The following EMILIN1 variants were observed in gnomAD, a reference collection of about 807,000 sequenced individuals.
EMILIN1 encodes the protein EMILIN-1.
A neutral mutation model predicts 82.4 loss-of-function variants in EMILIN1; 49 were observed. The observed-to-expected ratio is 0.59, with a 90% CI of 0.47 to 0.75. The LOEUF is 0.75. Ranked by LOEUF, EMILIN1 falls within the 30% of genes least tolerant of loss-of-function variation. The pLI is 0.00. For missense variants in EMILIN1, 1,313 were observed against 1,366.4 expected, an observed-to-expected ratio of 0.96 and a Z score of 0.62; for synonymous variants, 604 against 602.2, an observed-to-expected ratio of 1.00 and a Z score of -0.04.
chr2:27,080,767 C>T lies in EMILIN1; in HGVS notation c.326C>T (p.Ala109Val). 1.2e-6 allele frequency: 2 copies of T among 1,613,794 alleles called. No individual in the cohort carries two copies. The highest frequency in any genetic ancestry group is 2.2e-5 in the South Asian group (2 of 91,038). ...TTCCTCCGCCCTCGCTACCGTGTGG[C>T]CTACAAGACAGTGACCGACATGGAG... The part of the protein sequence containing the change: ...RRFLRPRYRV[A>V]YKTVTDMEWR... Residue 109 changes from alanine (A) to valine (V), a missense_variant, in exon 3 of 8, where the codon GCC becomes GTC. Coordinates refer to ENST00000380320, the MANE Select transcript of EMILIN1 (RefSeq NM_007046.4).
At chr2:27,080,584 G>A in intron 2 of EMILIN1, 148 bp from the exon 3 acceptor site, 1 of 701,562 alleles carries the variant, frequency 1.4e-6, no homozygotes, top group Non-Finnish European at 2.3e-6. Flanking sequence ...ACAGCTGTCA[G>A]CTAAGCAAGG....
rs920549958 is a variant in EMILIN1 at position 27,086,343 on chromosome 2, C to G, written c.*328C>G. ...TGGGCTCCAGGCTCCCCCGCGCGGG[C>G]GCCGCCCACCGCCATACTAAACGAT... is the stretch of plus-strand genomic sequence containing the variant. On this transcript the variant is annotated 3_prime_UTR_variant, in exon 8 of 8. Transcript: ENST00000380320. The G allele has an allele frequency of 7.4e-5, 22 of 296,210 alleles. No individual in the cohort carries two copies. The Middle Eastern group carries it at 2.7e-3, about 37-fold the overall frequency. 18.3% of individuals were successfully genotyped at this position (296,210 alleles called of 1,614,324 possible).
chr2:27,082,758 A>G lies in EMILIN1; in HGVS notation c.1187A>G (p.His396Arg), dbSNP rs777231622. Residue 396 changes from histidine to arginine, a missense_variant, in exon 4 of 8, where the codon CAC (histidine) becomes CGC (arginine). Physicochemically the swap from His to Arg is conservative, Grantham distance 29. Coordinates refer to ENST00000380320, the MANE Select transcript of EMILIN1 (RefSeq NM_007046.4). ...GGAGGAGCCGCGGGGCAGGGAGGCC[A>G]CCCCCCAGGCTACACCAGCTTGGCC... The part of the protein sequence containing the change: ...ELGGAAGQGG[H>R]PPGYTSLASR... The G allele has an allele frequency of 4.6e-6, 7 of 1,536,356 alleles. No homozygotes were observed. Among genetic ancestry groups the G allele is most frequent in the Non-Finnish European group, 5.2e-6 (6 of 1,147,246 alleles).
chr2:27,084,610 C>A, intron 5 of EMILIN1, 79 bp downstream of exon 5: 2 of 819,158 alleles, frequency 2.4e-6, no homozygotes, highest in Non-Finnish European at 2.1e-6. Context: ...CAGCCCCAGG[C>A]TTGACATTCC....
In EMILIN1 at chr2:27,083,424, T is replaced by C; in HGVS notation, c.1853T>C (p.Val618Ala). Reference protein sequence around the residue: ...PPRGPGAGPGVGGPSRGPLDG... With the variant: ...PPRGPGAGPGAGGPSRGPLDG... Reference sequence around the variant, plus strand: ...CGGGGTCCTGGGGCTGGTCCAGGTGTTGGGGGCCCAAGCCGTGGGCCCCTG... The same window carrying C: ...CGGGGTCCTGGGGCTGGTCCAGGTGCTGGGGGCCCAAGCCGTGGGCCCCTG... The change falls in exon 4 of 8, where the codon GTT becomes GCT. Residue 618 changes from valine to alanine, a missense_variant. Coordinates refer to ENST00000380320, the MANE Select transcript of EMILIN1 (RefSeq NM_007046.4). 1 of 1,612,304 alleles carries C rather than the reference T, an allele frequency of 6.2e-7. No homozygotes were observed. Among genetic ancestry groups the C allele is most frequent in the Non-Finnish European group, 8.5e-7 (1 of 1,179,952 alleles).
chr2:27,082,696 A>C lies in EMILIN1; in HGVS notation c.1125A>C (p.Ser375=). ...GCAGGCTGGATGTCGTGGCCGGCTC[A>C]GTGACAGTGCTGAGTGGGCGGCGAG... ...LERRLDVVAG[S]VTVLSGRRGT... The change falls in exon 4 of 8, where the codon TCA becomes TCC. Residue 375 remains serine (S), a synonymous_variant. Transcript: ENST00000380320. 6.4e-7 allele frequency: 1 copy of C among 1,553,630 alleles called. No homozygotes were observed. The highest frequency in any genetic ancestry group is 8.7e-7 in the Non-Finnish European group (1 of 1,153,390).
Position 27,084,551 on chromosome 2 carries a change from T to G in EMILIN1, c.2557+20T>G. ...CACCAGGTATGTGCACTGAGACCCT[T>G]GCTGCAGTCAGGGTTGCCACTGCCC... On this transcript the variant is annotated intron_variant, in intron 5 of 7. Coordinates refer to ENST00000380320, the MANE Select transcript of EMILIN1 (RefSeq NM_007046.4). 1 of 1,506,518 alleles carries G rather than the reference T, an allele frequency of 6.6e-7. No individual in the cohort carries two copies. The highest frequency in any genetic ancestry group is 9.2e-7 in the Non-Finnish European group (1 of 1,083,366). 93.3% of individuals were successfully genotyped at this position (1,506,518 alleles called of 1,614,324 possible).
Position 27,082,919 on chromosome 2 carries a change from G to C in EMILIN1, c.1348G>C (p.Gly450Arg), listed in dbSNP as rs570508845. ...PAARGRLEQLGGLLANVSGEL... is the reference protein window; with the variant it reads ...PAARGRLEQLRGLLANVSGEL... Reference sequence around the variant, plus strand: ...TGCCCGGGGCCGACTAGAGCAGTTGGGGGGGCTGCTGGCCAATGTGAGCGG... The same window carrying C: ...TGCCCGGGGCCGACTAGAGCAGTTGCGGGGGCTGCTGGCCAATGTGAGCGG... Residue 450 changes from glycine (G) to arginine (R), a missense_variant, in exon 4 of 8, where the codon GGG becomes CGG. Coordinates refer to ENST00000380320, the MANE Select transcript of EMILIN1 (RefSeq NM_007046.4). 3.3e-5 allele frequency: 53 copies of C among 1,597,264 alleles called. No individual in the cohort carries two copies. Among genetic ancestry groups the C allele is most frequent in the African/African-American group, 2.0e-4 (15 of 74,828 alleles).
chr2:27,082,181 G>T lies in EMILIN1; in HGVS notation c.610G>T (p.Gly204Trp). ...GLRGVLQGLS[G>W]RLAEDVQRAV... ...GCGGGGCGTCCTGCAAGGACTGAGC[G>T]GGCGCCTGGCAGAGGATGTGCAGAG... Residue 204 changes from glycine (G) to tryptophan (W), a missense_variant, in exon 4 of 8, where the codon GGG (glycine) becomes TGG (tryptophan). Coordinates refer to ENST00000380320, the MANE Select transcript of EMILIN1 (RefSeq NM_007046.4). The T allele has an allele frequency of 6.2e-7, 1 of 1,613,736 alleles. No individual in the cohort carries two copies. The highest frequency in any genetic ancestry group is 1.7e-4 in the Middle Eastern group (1 of 6,050).
chr2:27,083,116 C>A lies in EMILIN1; in HGVS notation c.1545C>A (p.Gly515=). The A allele has an allele frequency of 6.4e-7, 1 of 1,571,586 alleles. No homozygotes were observed. The change falls in exon 4 of 8, where the codon GGC becomes GGA. Residue 515 remains glycine (G), a synonymous_variant. Coordinates refer to ENST00000380320, the MANE Select transcript of EMILIN1 (RefSeq NM_007046.4). ...LDSEGQLRLV[G]SGLHTVEAAG... The stretch of plus-strand genomic sequence containing the variant: ...GTGAGGGGCAGCTGCGGCTGGTGGG[C>A]TCCGGCCTGCACACGGTGGAAGCAG...
chr2:27,078,620 C>CCGAACAGCCACA lies in EMILIN1; in HGVS notation c.-446_-445insCGAACAGCCACA, dbSNP rs1669417642. ...CCAGGGCCCGCCCCACAGCCACTCTCGCGCCTCCGAACAGCCACAGGGGCA... is the reference window on the plus strand; with the variant it reads ...CCAGGGCCCGCCCCACAGCCACTCTCCGAACAGCCACAGCGCCTCCGAACAGCCACAGGGGCA... On this transcript the variant is annotated 5_prime_UTR_variant, in exon 1 of 8. Coordinates refer to ENST00000380320, the MANE Select transcript of EMILIN1 (RefSeq NM_007046.4). The CCGAACAGCCACA allele has an allele frequency of 6.3e-6, 1 of 158,334 alleles. No individual in the cohort carries two copies. The highest frequency in any genetic ancestry group is 1.4e-5 in the Non-Finnish European group (1 of 72,418). The allele number at this position is 158,334 out of a possible 1,614,324, so 9.8% of individuals were successfully genotyped here. A position where few individuals can be genotyped will look rare whatever the true frequency, so the allele number is the denominator to read the frequency against.
chr2:27,083,573 G>A lies in EMILIN1; in HGVS notation c.2002G>A (p.Val668Met). ...CTCACTGAATGAGCTCCAGACCACTGTGGAGGGCCAGGGCGCTGATCTGGC... is the reference window on the plus strand; with the variant it reads ...CTCACTGAATGAGCTCCAGACCACTATGGAGGGCCAGGGCGCTGATCTGGC... ...NDSLNELQTTVEGQGADLADL... is the reference protein window; with the variant it reads ...NDSLNELQTTMEGQGADLADL... The change falls in exon 4 of 8, where the codon GTG becomes ATG. Residue 668 changes from valine to methionine, a missense_variant. Coordinates refer to ENST00000380320, the MANE Select transcript of EMILIN1 (RefSeq NM_007046.4). The A allele has an allele frequency of 6.2e-7, 1 of 1,614,108 alleles. No homozygotes were observed. The highest frequency in any genetic ancestry group is 1.1e-5 in the South Asian group (1 of 91,084).
At chr2:27,079,876 A>C (rs1330184468) in intron 1 of EMILIN1, among the ~76,000 whole-genome samples, 2 of 152,192 alleles carry the variant, frequency 1.3e-5, no homozygotes, top group Non-Finnish European at 1.5e-5. Context: ...GATTGTGTAC[A>C]TTCAGAGGCT....
intron 5 of EMILIN1, among the ~76,000 whole-genome samples, 174 bp from the exon 6 acceptor site, chr2:27,084,817 G>T (rs1378176575): frequency 6.6e-6 from 1 of 152,210 alleles, no homozygotes; most frequent in African/African-American, 2.4e-5. Context: ...AGGCTGGGAT[G>T]GCCCAGCAGT....
At chr2:27,080,671 A>C (rs1669457000) in intron 2 of EMILIN1, 61 bp from the exon 3 acceptor site, 1 of 1,432,700 alleles carries the variant, frequency 7.0e-7, no homozygotes, top group South Asian at 1.3e-5. Flanking sequence ...CCCTGAGGAC[A>C]GGGACCAGGG....
In EMILIN1 at chr2:27,079,231, C is replaced by T; in HGVS notation, c.166C>T (p.His56Tyr). 4.5e-6 allele frequency: 7 copies of T among 1,562,222 alleles called. No homozygotes were observed. Among genetic ancestry groups the T allele is most frequent in the Non-Finnish European group, 6.0e-6 (7 of 1,160,764 alleles). The change falls in exon 1 of 8, where the codon CAC becomes TAC. Residue 56 changes from histidine to tyrosine, a missense_variant. Transcript: ENST00000380320. ...GATTGCCCCCCGGCCAGCCAGCCGC[C>T]ACAGGTAAGAGTCTGGATCCCAGCC... ...AQIAPRPASRHRNWCAYVVTR... is the reference protein window; with the variant it reads ...AQIAPRPASRYRNWCAYVVTR...
rs188761759 is a variant in EMILIN1 at position 27,082,742 on chromosome 2, G to C, written c.1171G>C (p.Ala391Pro). 2 of 1,542,122 alleles carry C rather than the reference G, an allele frequency of 1.3e-6. No individual in the cohort carries two copies. The highest frequency in any genetic ancestry group is 1.4e-5 in the African/African-American group (1 of 73,556). The change falls in exon 4 of 8, where the codon GCG becomes CCG. Residue 391 changes from alanine to proline, a missense_variant. Physicochemically the swap from Ala to Pro is conservative, Grantham distance 27 (BLOSUM62 -1). Coordinates refer to ENST00000380320, the MANE Select transcript of EMILIN1 (RefSeq NM_007046.4). ...GRRGTELGGA[A>P]GQGGHPPGYT... ...GCGAGGCACAGAGCTGGGAGGAGCC[G>C]CGGGGCAGGGAGGCCACCCCCCAGG... is the stretch of plus-strand genomic sequence containing the variant.
intron 5 of EMILIN1, among the ~76,000 whole-genome samples, chr2:27,084,746 T>G (rs1448173635): frequency 6.6e-6 from 1 of 152,222 alleles, no homozygotes; most frequent in Non-Finnish European, 1.5e-5. Context: ...ATGGATAATG[T>G]TGGCCCCACT....
Position 27,084,410 on chromosome 2 carries a change from T to C in EMILIN1, c.2441-5T>C, listed in dbSNP as rs758928949. The C allele has an allele frequency of 4.0e-5, 64 of 1,581,888 alleles. No homozygotes were observed. The highest frequency in any genetic ancestry group is 5.4e-5 in the Non-Finnish European group (62 of 1,154,328). ...CCCTCCTTCAACTCAATTTTGTCAC[T>C]GTAGGGCCTGCAGGAGAGGCTGGGC... On this transcript the variant is annotated splice_region_variant and splice_polypyrimidine_tract_variant and intron_variant, in intron 4 of 7. Coordinates refer to ENST00000380320, the MANE Select transcript of EMILIN1 (RefSeq NM_007046.4).
Sources: gnomAD v4.1 joint callset for allele counts (sites outside exome capture counted in the v4.1 genomes callset) on GRCh38, gnomAD v4.1.1 for gene constraint, MANE v1.5 for transcripts, NCBI Gene and HGNC (gene_info 2026-07-23, HGNC 2026-07-21) for gene names.